FAM117B: variants seen among roughly 807,000 people sequenced by gnomAD.
The protein encoded by FAM117B is family with sequence similarity 117 member B, also known as protein FAM117B.
In FAM117B, 22 loss-of-function variants were observed where a neutral mutation model predicts 52.8. The ratio of observed to expected loss-of-function variants is 0.42; its 90% CI spans 0.30 to 0.59. The LOEUF is 0.59. FAM117B is among the 20% of genes least tolerant of loss of function. FAM117B has a pLI of 0.22. For missense variants in FAM117B, 678 were observed against 802.6 expected, an observed-to-expected ratio of 0.84 and a Z score of 1.88; for synonymous variants, 309 against 324.1, an observed-to-expected ratio of 0.95 and a Z score of 0.50.
intron 2 of FAM117B, among the ~76,000 whole-genome samples, chr2:202,706,673 A>G (rs1232362522): frequency 6.6e-6 from 1 of 152,246 alleles, no homozygotes; most frequent in Non-Finnish European, 1.5e-5. Flanking sequence ...TGGTAGATCT[A>G]AGCATTACTA....
intron 4 of FAM117B, among the ~76,000 whole-genome samples, chr2:202,747,839 T>C (rs1284869130): frequency 1.3e-5 from 2 of 152,136 alleles, no homozygotes; most frequent in Admixed American, 6.5e-5. Context: ...CCTATGTTCA[T>C]AGGAAGAATT....
rs886823951 is a variant in FAM117B, at chr2:202,768,112, G to A, written c.*2348G>A. On this transcript the variant is annotated 3_prime_UTR_variant, in exon 8 of 8. Coordinates refer to ENST00000392238, the MANE Select transcript of FAM117B (RefSeq NM_173511.4). ...TAAAAAGAACTCTTGGTTTTTGGAT[G>A]ACTTGAATTCTGTTAAATCTGTGTT... The A allele has an allele frequency of 3.3e-5, 5 of 152,170 alleles. No homozygotes were observed. The highest frequency in any genetic ancestry group is 1.2e-4 in the African/African-American group (5 of 41,454). 9.4% of individuals were successfully genotyped at this position (152,170 alleles called of 1,614,324 possible).
chr2:202,730,240 C>G (rs991453275), intron 4 of FAM117B, among the ~76,000 whole-genome samples: 3 of 152,068 alleles, frequency 2.0e-5, no homozygotes, highest in Non-Finnish European at 2.9e-5. Context: ...TAAGGTCACA[C>G]GAGACAGCCA....
chr2:202,655,761 AGTGT>A (rs1182174843), intron 1 of FAM117B, among the ~76,000 whole-genome samples: 88 of 100,414 alleles, frequency 8.8e-4, no homozygotes, highest in African/African-American at 2.7e-3. Flanking sequence ...AGAGAGAGAG[AGTGT>A]GTGTGTGTGT....
chr2:202,707,472 G>A (rs1175895994), intron 2 of FAM117B, among the ~76,000 whole-genome samples: 2 of 152,030 alleles, frequency 1.3e-5, no homozygotes, highest in East Asian at 2.0e-4. Context: ...GGGAGGCCAC[G>A]GTGGGTAGAT....
At chr2:202,716,594 A>T (rs1691060464) in intron 2 of FAM117B, among the ~76,000 whole-genome samples, 1 of 151,880 alleles carries the variant, frequency 6.6e-6, no homozygotes, top group Non-Finnish European at 1.5e-5. Flanking sequence ...GTTTGAATAA[A>T]CTTTCTACCC....
intron 1 of FAM117B, among the ~76,000 whole-genome samples, chr2:202,662,428 T>G (rs796287411): frequency 1.2e-4 from 19 of 152,224 alleles, no homozygotes; most frequent in African/African-American, 4.6e-4. Flanking sequence ...AGTCAACTGG[T>G]ACAAAGTTGC....
chr2:202,691,019 C>G (rs1386109708), intron 1 of FAM117B, among the ~76,000 whole-genome samples: 1 of 152,122 alleles, frequency 6.6e-6, no homozygotes, highest in Non-Finnish European at 1.5e-5. Flanking sequence ...CTCACAGGCC[C>G]TTACTGTCTG....
chr2:202,722,871 G>A (rs918337936), intron 2 of FAM117B, among the ~76,000 whole-genome samples: 1 of 151,882 alleles, frequency 6.6e-6, no homozygotes, highest in Non-Finnish European at 1.5e-5. Flanking sequence ...AAATTTTATA[G>A]TATTAAGTTT....
intron 1 of FAM117B, among the ~76,000 whole-genome samples, chr2:202,691,894 A>G (rs1690635826): frequency 1.3e-5 from 2 of 152,218 alleles, no homozygotes; most frequent in South Asian, 4.1e-4. Context: ...TGTGCTACAA[A>G]AGGAAAACTG....
At chr2:202,743,616 C>T (rs370432303) in intron 4 of FAM117B, among the ~76,000 whole-genome samples, 2 of 133,834 alleles carry the variant, frequency 1.5e-5, no homozygotes, top group Non-Finnish European at 1.7e-5. Flanking sequence ...CAATGACATA[C>T]AAAAGAACAC....
intron 1 of FAM117B, among the ~76,000 whole-genome samples, chr2:202,695,624 T>C (rs745464736): frequency 2.0e-5 from 3 of 152,236 alleles, no homozygotes; most frequent in Non-Finnish European, 4.4e-5. Context: ...TTAGTTATTG[T>C]TGTTAATCTC....
At chr2:202,671,907 C>G (rs1009185833) in intron 1 of FAM117B, among the ~76,000 whole-genome samples, 3 of 152,170 alleles carry the variant, frequency 2.0e-5, no homozygotes, top group Non-Finnish European at 4.4e-5. Flanking sequence ...ATCAATGACT[C>G]AGAGACCCAA....
At chr2:202,639,156 T>C (rs1689729491) in intron 1 of FAM117B, among the ~76,000 whole-genome samples, 1 of 152,096 alleles carries the variant, frequency 6.6e-6, no homozygotes, top group South Asian at 2.1e-4. Flanking sequence ...ATAAACCTCA[T>C]AGGACTCAAA....
chr2:202,668,250 G>C (rs941433524), intron 1 of FAM117B, among the ~76,000 whole-genome samples: 2 of 142,414 alleles, frequency 1.4e-5, no homozygotes, highest in Non-Finnish European at 3.0e-5. Context: ...TATATATTTA[G>C]ATACATATAT....
chr2:202,696,100 TC>T lies in FAM117B; in HGVS notation c.753+69del, dbSNP rs1010040745. 6.8e-5 allele frequency: 104 copies of T among 1,534,912 alleles called. No homozygotes were observed. In the African/African-American group the frequency reaches 1.3e-3, roughly 19 times the overall value. ...AGCTACTTCTTCTAATATTATTTGT[TC>T]TGCTTTGAGTAGAACAAACATTTAG... On this transcript the variant is annotated intron_variant, in intron 2 of 7. Coordinates refer to ENST00000392238, the MANE Select transcript of FAM117B (RefSeq NM_173511.4).
At position 202,675,526 on chromosome 2, in the gene FAM117B, C is replaced by T. The variant is rs73054744; in HGVS notation, c.602-20355C>T. 4.6e-3 allele frequency among the ~76,000 whole-genome samples: 694 copies of T among 151,086 alleles called. 6 individuals carry two copies. Among genetic ancestry groups the T allele is most frequent in the African/African-American group, 0.016 (669 of 41,262 alleles). The stretch of plus-strand genomic sequence containing the variant: ...CTTGCTCTTCTAGGTATTTCCTCTC[C>T]TCTTTAGTACCCCTCATTTGTGGTG... On this transcript the variant is annotated intron_variant, in intron 1 of 7. Transcript: ENST00000392238.
intron 4 of FAM117B, 122 bp downstream of exon 4, chr2:202,726,485 A>C (rs1691247323): frequency 1.9e-5 from 13 of 667,334 alleles, no homozygotes; most frequent in Middle Eastern, 2.6e-4. Context: ...CAGTGATTTA[A>C]ATACTGAATC....
intron 2 of FAM117B, among the ~76,000 whole-genome samples, chr2:202,708,802 C>G (rs1288902470): frequency 6.6e-6 from 1 of 152,114 alleles, no homozygotes; most frequent in African/African-American, 2.4e-5. Context: ...TGGAGTGTCA[C>G]TTTGTTGCCC....
Sources: allele counts gnomAD v4.1 joint callset (sites outside exome capture counted in the v4.1 genomes callset), GRCh38; gene constraint gnomAD v4.1.1; transcripts MANE v1.5; gene names NCBI Gene and HGNC (gene_info 2026-07-23, HGNC 2026-07-21).